Variants in LMF1 observed in about 807,000 individuals in gnomAD.
LMF1 encodes transmembrane protein 112.
LMF1 carries 68 observed loss-of-function variants against 60.6 expected under a neutral mutation model. That is an observed-to-expected ratio of 1.12 (90% CI 0.92 to 1.37). The LOEUF (loss-of-function observed/expected upper bound fraction) is 1.37, where lower values mean the gene tolerates loss of function less well. Among genes scored for constraint, LMF1 ranks in the 40% most tolerant of loss-of-function variants. The probability of loss-of-function intolerance (pLI) is 0.00; values close to 1 mark genes in which losing one functional copy is unlikely to be tolerated. For missense variants in LMF1, 948 were observed against 767.2 expected, an observed-to-expected ratio of 1.24 and a Z score of -2.78; for synonymous variants, 418 against 324.7, an observed-to-expected ratio of 1.29 and a Z score of -3.09.
chr16:938,970 G>C (rs2072020970), intron 2 of LMF1, among the ~76,000 whole-genome samples: 3 of 152,198 alleles, frequency 2.0e-5, no homozygotes, highest in Non-Finnish European at 4.4e-5. Flanking sequence ...AGAAAGCAAA[G>C]TCCGTGCATA....
At chr16:917,972 C>T (rs929202061) in intron 3 of LMF1, among the ~76,000 whole-genome samples, 4 of 152,210 alleles carry the variant, frequency 2.6e-5, no homozygotes, top group African/African-American at 4.8e-5. Context: ...ACAGGAGGGC[C>T]GCCCTTCTGC....
chr16:946,257 G>A (rs916050109), intron 2 of LMF1, among the ~76,000 whole-genome samples: 3 of 152,252 alleles, frequency 2.0e-5, no homozygotes, highest in Admixed American at 1.3e-4. Context: ...CAGCAGCCAC[G>A]AAGGGGAGGG....
intron 10 of LMF1, chr16:855,973 A>C (rs911916794): frequency 4.4e-6 from 2 of 455,750 alleles, no homozygotes; most frequent in Non-Finnish European, 8.8e-6. Flanking sequence ...ATGGATGATG[A>C]TTCTTCTCTC....
chr16:869,960 C>A lies in LMF1; in HGVS notation c.1339G>T (p.Asp447Tyr), dbSNP rs577482583. 6.2e-7 allele frequency: 1 copy of A among 1,613,374 alleles called. No homozygotes were observed. The highest frequency in any genetic ancestry group is 1.1e-5 in the South Asian group (1 of 91,084). The change falls in exon 9 of 11, where the codon GAC (aspartate) becomes TAC (tyrosine). Residue 447 changes from aspartate (D) to tyrosine (Y), a missense_variant. Coordinates refer to ENST00000262301, the MANE Select transcript of LMF1 (RefSeq NM_022773.4). ...EDYEFKCKPGDPSRRPCLISP... is the reference protein window; with the variant it reads ...EDYEFKCKPGYPSRRPCLISP... Reference sequence around the variant, plus strand: ...ATGAGGCAGGGCCGTCTGCTGGGGTCACCTGGCTTGCACTTGAACTCGTAG... The same window carrying A: ...ATGAGGCAGGGCCGTCTGCTGGGGTAACCTGGCTTGCACTTGAACTCGTAG...
chr16:970,795 G>GT lies in LMF1; in HGVS notation c.185_186insA (p.Phe62LeufsTer20), dbSNP rs2073028185. 6.5e-7 allele frequency: 1 copy of GT among 1,533,082 alleles called. No individual in the cohort carries two copies. The allele number at this position is 1,533,082 out of a possible 1,614,324, so 95.0% of individuals were successfully genotyped here. On this transcript the variant is annotated frameshift_variant, in exon 1 of 11. Coordinates refer to ENST00000262301, the MANE Select transcript of LMF1 (RefSeq NM_022773.4). LOFTEE classifies it high-confidence loss of function. ...GGCCCGCCCGGCACTCACAGTACAC[G>GT]AAGGCTAGGGCCTTCAGGAGCACGA...
At chr16:867,378 G>A (rs558903407) in intron 10 of LMF1, among the ~76,000 whole-genome samples, 12 of 152,184 alleles carry the variant, frequency 7.9e-5, no homozygotes, top group Non-Finnish European at 1.2e-4. Flanking sequence ...CTTCCGTCAC[G>A]ACCTGACGAT....
intron 5 of LMF1, chr16:883,639 C>G (rs1283568519): frequency 1.3e-5 from 2 of 152,256 alleles, no homozygotes; most frequent in African/African-American, 2.4e-5. Context: ...TAAGCCTCCT[C>G]ACATCCTGGA....
chr16:939,477 C>T (rs897463702), intron 2 of LMF1, among the ~76,000 whole-genome samples: 18 of 152,372 alleles, frequency 1.2e-4, no homozygotes, highest in African/African-American at 2.4e-4. Flanking sequence ...AGCAAACACA[C>T]GTAACAGACC....
intron 6 of LMF1, among the ~76,000 whole-genome samples, chr16:875,084 C>T (rs2069934237): frequency 6.6e-6 from 1 of 152,160 alleles, no homozygotes; most frequent in Admixed American, 6.5e-5. Flanking sequence ...TCCACCTCGT[C>T]CTGGACACAG....
intron 1 of LMF1, among the ~76,000 whole-genome samples, chr16:966,237 G>A (rs939617809): frequency 6.6e-6 from 1 of 152,184 alleles, no homozygotes; most frequent in African/African-American, 2.4e-5. Flanking sequence ...GTCCACTGGG[G>A]CCCCAGCCTC....
At chr16:854,790 C>T (rs2069143340) in intron 10 of LMF1, 84 bp from the exon 11 acceptor site, 3 of 1,283,200 alleles carry the variant, frequency 2.3e-6, no homozygotes, top group South Asian at 2.5e-5. Flanking sequence ...TGAGCTGCAG[C>T]TGCTCACAGG....
intron 3 of LMF1, among the ~76,000 whole-genome samples, chr16:914,677 C>T (rs2071227244): frequency 4.4e-5 from 2 of 45,908 alleles, no homozygotes; most frequent in Non-Finnish European, 8.5e-5. Context: ...CACTCCCTCC[C>T]TCCCATGACC....
At chr16:970,757 G>A in intron 1 of LMF1, 31 bp downstream of exon 1, 3 of 1,501,152 alleles carry the variant, frequency 2.0e-6, no homozygotes, top group East Asian at 2.8e-5. Flanking sequence ...AGGTGACACT[G>A]GCGGATGTCC....
chr16:943,325 C>G (rs1159162366), intron 2 of LMF1, among the ~76,000 whole-genome samples: 2 of 147,128 alleles, frequency 1.4e-5, no homozygotes, highest in African/African-American at 5.1e-5. Flanking sequence ...GAGCCGAGAT[C>G]GCGCCACTGC....
At chr16:979,226 A>T (rs2073265480) in intron 1 of LMF1, 1 of 386,460 alleles carries the variant, frequency 2.6e-6, no homozygotes, top group African/African-American at 2.1e-5. Flanking sequence ...ACACCCGCGG[A>T]GGACGAGGTC....
intron 1 of LMF1, chr16:979,803 C>T (rs148753027): frequency 3.5e-5 from 16 of 453,264 alleles, no homozygotes; most frequent in Admixed American, 2.1e-4. Flanking sequence ...CAGTTTGGAC[C>T]GGACCCCCAC....
chr16:908,215 C>T (rs1188136331), intron 4 of LMF1, among the ~76,000 whole-genome samples: 1 of 152,212 alleles, frequency 6.6e-6, no homozygotes, highest in Non-Finnish European at 1.5e-5. Flanking sequence ...TGTATTCTGG[C>T]TGGAGACAAT....
upstream of LMF1, among the ~76,000 whole-genome samples, chr16:974,752 A>G (rs2073103912): frequency 6.6e-6 from 1 of 152,190 alleles, no homozygotes; most frequent in Non-Finnish European, 1.5e-5. Flanking sequence ...CACCTCGTCC[A>G]GCTGTCCCCC....
intron 2 of LMF1, among the ~76,000 whole-genome samples, chr16:945,928 G>A (rs982968583): frequency 1.3e-5 from 2 of 152,192 alleles, no homozygotes; most frequent in African/African-American, 4.8e-5. Context: ...AAGGTGCAAA[G>A]ACAGACTGTT....
Sources: allele counts gnomAD v4.1 joint callset (sites outside exome capture counted in the v4.1 genomes callset), GRCh38; gene constraint gnomAD v4.1.1; transcripts MANE v1.5; gene names NCBI Gene and HGNC (gene_info 2026-07-23, HGNC 2026-07-21).